Variants in KDM6A observed in about 807,000 individuals in gnomAD.
KDM6A encodes the protein lysine-specific demethylase 6A.
KDM6A carries 11 observed loss-of-function variants against 117.6 expected under a neutral mutation model. That is an observed-to-expected ratio of 0.09 (90% CI 0.06 to 0.15). KDM6A has a LOEUF of 0.15. Among genes scored for constraint, KDM6A ranks in the 10% least tolerant of loss-of-function variants. The probability of loss-of-function intolerance (pLI) is 1.00; values close to 1 mark genes in which losing one functional copy is unlikely to be tolerated. For synonymous variants in KDM6A, 384 were observed against 396.1 expected (o/e 0.97, Z 0.36); for missense variants, 799 against 1,077.3 (o/e 0.74, Z 3.62).
chrX:45,092,487 C>T (rs2045931196), intron 27 of KDM6A, among the ~76,000 whole-genome samples: 1 of 111,553 alleles, frequency 9.0e-6, no homozygotes, highest in African/African-American at 3.3e-5. Context: ...GGCCTAAAGT[C>T]TACCTGTCAT....
chrX:45,081,925 C>T (rs1301296937), intron 21 of KDM6A, among the ~76,000 whole-genome samples: 1 of 109,582 alleles, frequency 9.1e-6, no homozygotes, highest in Non-Finnish European at 1.9e-5. Context: ...ACCACAGGCG[C>T]CTGCCCCCAT....
chrX:44,969,528 C>T (rs1283369925), intron 3 of KDM6A, among the ~76,000 whole-genome samples: 1 of 103,259 alleles, frequency 9.7e-6, no homozygotes. Context: ...CGCCATTCTC[C>T]TGCCTCAGCC....
Position 45,053,830 on chromosome X carries a change from T to C in KDM6A, c.750T>C (p.Gly250=). 2 of 1,186,731 alleles carry C rather than the reference T, an allele frequency of 1.7e-6. No homozygotes were observed. Among genetic ancestry groups the C allele is most frequent in the South Asian group, 3.5e-5 (2 of 56,366 alleles). The change falls in exon 10 of 30, where the codon GGT becomes GGC. Residue 250 remains glycine (G), a splice_region_variant and synonymous_variant. Coordinates refer to ENST00000611820, the MANE Select transcript of KDM6A (RefSeq NM_001291415.2). ...QVKATVLQQL[G]WMHHTVDLLG... ...ATTTTTTTAAATCATTTACTGTAGG[T>C]TGGATGCATCACACTGTAGATCTCC...
In KDM6A at chrX:45,060,657, C is replaced by A; in HGVS notation, c.1378C>A (p.Gln460Lys). Residue 460 changes from glutamine to lysine, a missense_variant, in exon 14 of 30, where the codon CAA becomes AAA. Physicochemically the swap from Gln to Lys is moderately conservative, Grantham distance 53. This residue lies in a region of KDM6A where 301 missense variants were observed against 318.3 expected (regional missense o/e 0.95). Coordinates refer to ENST00000611820, the MANE Select transcript of KDM6A (RefSeq NM_001291415.2). ...PNTEPVLGLS[Q>K]TPISQQSLPL... ...TACTGAACCTGTATTAGGCCTCAGT[C>A]AAACACCAATTTCACAGCAATCCTT... 9.3e-7 allele frequency: 1 copy of A among 1,071,104 alleles called. No homozygotes were observed. 88.3% of individuals were successfully genotyped at this position (1,071,104 alleles called of 1,213,427 possible).
At chrX:44,946,831 G>T (rs5952658) in intron 2 of KDM6A, among the ~76,000 whole-genome samples, 2,468 of 110,208 alleles carry the variant, frequency 0.022, 43 homozygotes, top group Non-Finnish European at 0.036. Context: ...GTTTCCACAC[G>T]TACAAGTTCT....
At chrX:44,893,431 T>C (rs1602080796) in intron 2 of KDM6A, among the ~76,000 whole-genome samples, 1 of 111,042 alleles carries the variant, frequency 9.0e-6, no homozygotes, top group Non-Finnish European at 1.9e-5. Context: ...AATTTCCAGG[T>C]CTTTATTGTT....
intron 8 of KDM6A, among the ~76,000 whole-genome samples, chrX:45,049,899 A>G (rs1283383717): frequency 8.9e-6 from 1 of 112,878 alleles, no homozygotes; most frequent in African/African-American, 3.2e-5. Context: ...AGTTCCTGTT[A>G]TGTATTAGGT....
At chrX:44,989,875 G>T (rs1253569599) in intron 4 of KDM6A, among the ~76,000 whole-genome samples, 1 of 111,422 alleles carries the variant, frequency 9.0e-6, no homozygotes, top group Non-Finnish European at 1.9e-5. Context: ...TTTCTTACAG[G>T]GCAAAATAGT....
At chrX:44,983,951 G>T (rs2040047157) in intron 4 of KDM6A, among the ~76,000 whole-genome samples, 1 of 109,722 alleles carries the variant, frequency 9.1e-6, no homozygotes, top group South Asian at 3.9e-4. Flanking sequence ...GGGTCAAATG[G>T]TATTTCTAGT....
At chrX:45,057,276 GTTCACCATATTC>G (rs1318476926) in intron 10 of KDM6A, among the ~76,000 whole-genome samples, 1 of 111,427 alleles carries the variant, frequency 9.0e-6, no homozygotes, top group East Asian at 2.8e-4. Context: ...TTCAAACCAT[GTTCACCATATTC>G]TTCCCCAGAC....
chrX:45,034,683 G>A (rs1365618595), intron 6 of KDM6A, among the ~76,000 whole-genome samples: 1 of 111,488 alleles, frequency 9.0e-6, no homozygotes, highest in Non-Finnish European at 1.9e-5. Context: ...AATATACATA[G>A]GATAACTTGA....
intron 21 of KDM6A, among the ~76,000 whole-genome samples, chrX:45,081,579 T>C (rs2045405970): frequency 1.8e-5 from 2 of 111,435 alleles, no homozygotes; most frequent in African/African-American, 3.3e-5. Context: ...TATATAGCTA[T>C]GTACACATAC....
rs560265351 is a variant in KDM6A, at chrX:44,995,065, T to C, written c.385-15896T>C. ...GATTTCAATTTCTATGATTTATAGC[T>C]AGTAGTGGGACTGCTGGATCAAATG... On this transcript the variant is annotated intron_variant, in intron 4 of 29. Transcript: ENST00000611820. Among the ~76,000 whole-genome samples the C allele has an allele frequency of 5.3e-5, 6 of 112,195 alleles. No individual in the cohort carries two copies. In the East Asian group the frequency reaches 8.4e-4, roughly 16 times the overall value.
intron 2 of KDM6A, among the ~76,000 whole-genome samples, chrX:44,901,361 A>AATAT (rs760576311): frequency 9.3e-6 from 1 of 106,953 alleles, no homozygotes; most frequent in Non-Finnish European, 1.9e-5. Flanking sequence ...ATCTCAAAAA[A>AATAT]ATATATATAT....
intron 6 of KDM6A, among the ~76,000 whole-genome samples, chrX:45,022,221 G>A (rs993773948): frequency 8.9e-6 from 1 of 112,042 alleles, no homozygotes; most frequent in African/African-American, 3.2e-5. Flanking sequence ...TGAAAGTGGC[G>A]ATATTTAAAA....
intron 4 of KDM6A, among the ~76,000 whole-genome samples, chrX:45,007,943 G>T (rs1197610713): frequency 9.0e-6 from 1 of 111,729 alleles, no homozygotes; most frequent in Non-Finnish European, 1.9e-5. Flanking sequence ...GTTAGATATT[G>T]CATAAAACTA....
intron 2 of KDM6A, among the ~76,000 whole-genome samples, chrX:44,920,829 A>T (rs1395051020): frequency 9.3e-6 from 1 of 107,698 alleles, no homozygotes; most frequent in Non-Finnish European, 1.9e-5. Context: ...AAAACTGATG[A>T]ACTCTGTCTT....
chrX:44,966,113 T>A (rs1246461181), intron 3 of KDM6A, among the ~76,000 whole-genome samples: 3 of 109,402 alleles, frequency 2.7e-5, no homozygotes, highest in Non-Finnish European at 5.7e-5. Flanking sequence ...GACTATAGCT[T>A]TATTTTTCAC....
At chrX:44,942,429 C>T (rs769314949) in intron 2 of KDM6A, among the ~76,000 whole-genome samples, 1 of 110,665 alleles carries the variant, frequency 9.0e-6, no homozygotes, top group East Asian at 2.8e-4. Flanking sequence ...TTCTGTTGAT[C>T]TGTATCTTCT....
Sources: gnomAD v4.1 joint callset for allele counts (sites outside exome capture counted in the v4.1 genomes callset) on GRCh38, gnomAD v4.1.1 for gene constraint, gnomAD v4.1.1 regional missense constraint, MANE v1.5 for transcripts, NCBI Gene and HGNC (gene_info 2026-07-23, HGNC 2026-07-21) for gene names.